Variants in CSMD2 observed in about 807,000 individuals in gnomAD.
The protein encoded by CSMD2 is CUB and sushi domain-containing protein 2.
Under a neutral mutation model 398.5 loss-of-function variants are expected in CSMD2, and 130 were observed. The observed-to-expected ratio is 0.33, with a 90% CI of 0.28 to 0.38. The LOEUF is 0.38. CSMD2 is among the 10% of genes least tolerant of loss of function. The probability of loss-of-function intolerance (pLI) is 1.00; values close to 1 mark genes in which losing one functional copy is unlikely to be tolerated. For missense variants in CSMD2, 3,829 were observed against 4,764.9 expected (o/e 0.80, Z 5.78); for synonymous variants, 1,828 against 1,908.5 (o/e 0.96, Z 1.10).
At chr1:33,851,646 C>G (rs1390243282) in intron 5 of CSMD2, among the ~76,000 whole-genome samples, 1 of 152,200 alleles carries the variant, frequency 6.6e-6, no homozygotes, top group Non-Finnish European at 1.5e-5. Context: ...AGGCTGATCC[C>G]TCCTCTGCCA....
chr1:34,065,985 A>T (rs1272079156), intron 2 of CSMD2, among the ~76,000 whole-genome samples: 1 of 152,204 alleles, frequency 6.6e-6, no homozygotes, highest in East Asian at 1.9e-4. Context: ...TGGTCAAGAC[A>T]TAATGGTCAA....
chr1:33,894,676 G>C (rs188886338), intron 5 of CSMD2, among the ~76,000 whole-genome samples: 60 of 152,194 alleles, frequency 3.9e-4, no homozygotes, highest in Admixed American at 2.3e-3. Context: ...TGTCACCTGT[G>C]CTTCCTAATA....
intron 19 of CSMD2, among the ~76,000 whole-genome samples, chr1:33,722,103 T>C (rs1339334403): frequency 6.6e-6 from 1 of 152,218 alleles, no homozygotes; most frequent in African/African-American, 2.4e-5. Flanking sequence ...CATTTCCTTA[T>C]TGATGGACAT....
chr1:33,973,472 G>T (rs1645845001), intron 3 of CSMD2, among the ~76,000 whole-genome samples: 2 of 152,206 alleles, frequency 1.3e-5, no homozygotes, highest in Non-Finnish European at 2.9e-5. Context: ...AGGCTTTGCA[G>T]ACCCTGAGGG....
Position 33,633,443 on chromosome 1 carries a change from A to T in CSMD2, c.5179T>A (p.Ser1727Thr). Residue 1727 changes from serine to threonine, a missense_variant, in exon 32 of 71, where the codon TCC (serine) becomes ACC (threonine). By Grantham distance (58) the Ser-to-Thr change is moderately conservative. This residue lies in a region of CSMD2 where 2,001 missense variants were observed against 2,567.1 expected (regional missense o/e 0.78). Transcript: ENST00000373381. The surrounding 1 kb of genome is among the most constrained non-coding windows in gnomAD (Gnocchi z 5.0). ...ATACCTGTATGGGAGCCCGAGAGGGAGCTGAGGAGCCGCGAGTGCTGGCTG... is the reference window on the plus strand; with the variant it reads ...ATACCTGTATGGGAGCCCGAGAGGGTGCTGAGGAGCCGCGAGTGCTGGCTG... ...GHSQHSRLLS[S>T]LSGSHTGESL... 1 of 1,553,028 alleles carries T rather than the reference A, an allele frequency of 6.4e-7. No homozygotes were observed. The highest frequency in any genetic ancestry group is 8.7e-7 in the Non-Finnish European group (1 of 1,147,886).
chr1:34,088,179 A>G (rs777843157), intron 2 of CSMD2, among the ~76,000 whole-genome samples: 17 of 152,240 alleles, frequency 1.1e-4, no homozygotes, highest in African/African-American at 1.4e-4. Context: ...TCATGTCATT[A>G]GAAGCAATTA....
chr1:33,693,983 C>T (rs1645329111), intron 24 of CSMD2, among the ~76,000 whole-genome samples: 2 of 152,034 alleles, frequency 1.3e-5, no homozygotes, highest in South Asian at 4.2e-4. Flanking sequence ...CACTTGAACC[C>T]AGGAGGTGGA....
chr1:33,545,777 G>A (rs1419632231), intron 57 of CSMD2, among the ~76,000 whole-genome samples: 1 of 152,174 alleles, frequency 6.6e-6, no homozygotes, highest in African/African-American at 2.4e-5. Context: ...GAAACTATAT[G>A]GGAAATGAAT....
chr1:33,624,056 G>A lies in CSMD2; in HGVS notation c.5625+463C>T, dbSNP rs141342234. On this transcript the variant is annotated intron_variant, in intron 35 of 70. Transcript: ENST00000373381. This position sits in a 1 kb window ranked among gnomAD's most constrained non-coding sequence, Gnocchi z 4.7. ...AGGTGTGTGCCTGGGGGTTCTCTGT[G>A]CTTCAGCTGTGCTGGGTGCTTTGCT... 3.5e-4 allele frequency among the ~76,000 whole-genome samples: 54 copies of A among 152,324 alleles called. No individual in the cohort carries two copies. In the East Asian group the frequency reaches 0.01, roughly 29 times the overall value.
rs558271063 is a variant in CSMD2, at chr1:34,040,737, C to T, written c.405-8031G>A. Among the ~76,000 whole-genome samples the T allele has an allele frequency of 9.2e-5, 14 of 152,198 alleles. No individual in the cohort carries two copies. The South Asian group carries it at 1.5e-3, about 16-fold the overall frequency. On this transcript the variant is annotated intron_variant, in intron 2 of 70. Coordinates refer to ENST00000373381, the MANE Select transcript of CSMD2 (RefSeq NM_001281956.2). ...TCCCCTTCACACCCATGAAATGAGG[C>T]GAGATATAAGGAAAAAGCAGACTGC...
chr1:33,719,162 C>T (rs1319159623), intron 19 of CSMD2, among the ~76,000 whole-genome samples: 1 of 152,118 alleles, frequency 6.6e-6, no homozygotes, highest in Admixed American at 6.5e-5. Context: ...GGTGCATGTG[C>T]CCACGTGCAT....
chr1:34,047,272 C>T (rs1291801258), intron 2 of CSMD2, among the ~76,000 whole-genome samples: 1 of 152,172 alleles, frequency 6.6e-6, no homozygotes, highest in Non-Finnish European at 1.5e-5. Context: ...TGCCTCAGGG[C>T]CTTTGCACCT....
intron 3 of CSMD2, among the ~76,000 whole-genome samples, chr1:33,950,800 A>G (rs1481289296): frequency 6.6e-6 from 1 of 152,198 alleles, no homozygotes; most frequent in Non-Finnish European, 1.5e-5. Flanking sequence ...TCATATGCAT[A>G]GAAGAAGCCT....
chr1:33,594,566 G>C (rs1557592006), intron 44 of CSMD2, among the ~76,000 whole-genome samples: 2 of 152,136 alleles, frequency 1.3e-5, no homozygotes, highest in Non-Finnish European at 2.9e-5. Flanking sequence ...TCTCAGAAAA[G>C]TTTTATCATT....
At chr1:34,150,276 G>A (rs1640184493) in intron 1 of CSMD2, among the ~76,000 whole-genome samples, 2 of 151,818 alleles carry the variant, frequency 1.3e-5, no homozygotes, top group East Asian at 1.9e-4. Context: ...GTAGAGACAG[G>A]GTATTACTAT....
chr1:33,942,772 C>T (rs1644717433), intron 3 of CSMD2, among the ~76,000 whole-genome samples: 3 of 152,224 alleles, frequency 2.0e-5, no homozygotes, highest in Admixed American at 2.0e-4. Flanking sequence ...CTGGGTTTAT[C>T]TCTCTGAGCT....
At chr1:33,870,238 G>A (rs983783723) in intron 5 of CSMD2, 3 of 152,144 alleles carry the variant, frequency 2.0e-5, no homozygotes, top group African/African-American at 7.2e-5. Context: ...GTGTGCTAGG[G>A]AATAAATGAA....
intron 10 of CSMD2, among the ~76,000 whole-genome samples, chr1:33,802,489 G>A (rs1323485789): frequency 6.6e-6 from 1 of 152,086 alleles, no homozygotes; most frequent in African/African-American, 2.4e-5. Context: ...TCTCTCTTTG[G>A]GCCTTCTCAT....
intron 10 of CSMD2, chr1:33,804,800 G>A (rs1656028774): frequency 1.4e-6 from 1 of 717,426 alleles, no homozygotes; most frequent in South Asian, 1.5e-5. Flanking sequence ...TGTCCTTGCT[G>A]TTTCCCAGAA....
Sources: allele counts gnomAD v4.1 joint callset (sites outside exome capture counted in the v4.1 genomes callset), GRCh38; gene constraint gnomAD v4.1.1; regional missense constraint gnomAD v4.1.1; non-coding constraint Gnocchi (gnomAD v3.1); transcripts MANE v1.5; gene names NCBI Gene and HGNC (gene_info 2026-07-23, HGNC 2026-07-21).